Variants in NKAIN3 observed in about 807,000 individuals in gnomAD.
NKAIN3 encodes the protein sodium/potassium-transporting ATPase subunit beta-1-interacting protein 3.
NKAIN3 carries 25 observed loss-of-function variants against 30.2 expected under a neutral mutation model. The ratio of observed to expected loss-of-function variants is 0.83; its 90% CI spans 0.60 to 1.16. The LOEUF (loss-of-function observed/expected upper bound fraction) is 1.16, where lower values mean the gene tolerates loss of function less well. NKAIN3 is among the 50% of genes most tolerant of loss of function. The pLI is 0.00. For missense variants in NKAIN3, 225 were observed against 254.1 expected (o/e 0.89, Z 0.78); for synonymous variants, 91 against 89.6 (o/e 1.02, Z -0.09).
At chr8:62,813,531 G>A (rs1213033883) in intron 4 of NKAIN3, among the ~76,000 whole-genome samples, 1 of 149,124 alleles carries the variant, frequency 6.7e-6, no homozygotes, top group Non-Finnish European at 1.5e-5. Context: ...CATTTGGCCA[G>A]TCTGTATATT....
intron 4 of NKAIN3, among the ~76,000 whole-genome samples, chr8:62,842,084 C>T (rs1563588318): frequency 6.6e-6 from 1 of 151,966 alleles, no homozygotes; most frequent in African/African-American, 2.4e-5. Context: ...AACCTTTTGG[C>T]CGTTTGGATG....
chr8:62,616,420 A>G lies in NKAIN3; in HGVS notation c.273+26626A>G, dbSNP rs748180934. ...AGAGTCCTGGAAAGCACTTTGCTAA[A>G]GATTACTGGTTTATTACAAAGGATA... On this transcript the variant is annotated intron_variant, in intron 3 of 6. Transcript: ENST00000623646. 7.0e-4 allele frequency among the ~76,000 whole-genome samples: 107 copies of G among 152,224 alleles called. 1 individual carries two copies. Among genetic ancestry groups the G allele is most frequent in the Non-Finnish European group, 7.1e-4 (48 of 68,006 alleles).
intron 3 of NKAIN3, 130 bp downstream of exon 3, chr8:62,589,924 G>A (rs1810601925): frequency 4.6e-6 from 2 of 434,122 alleles, no homozygotes; most frequent in Admixed American, 3.8e-5. Flanking sequence ...TGTATAGAAT[G>A]ATAAAATACT....
chr8:62,862,819 T>A (rs1318433971), intron 4 of NKAIN3, among the ~76,000 whole-genome samples: 1 of 152,112 alleles, frequency 6.6e-6, no homozygotes, highest in African/African-American at 2.4e-5. Context: ...ATAATATAAG[T>A]GTAGCTTTGG....
At chr8:62,914,624 A>T (rs1332029417) in intron 4 of NKAIN3, among the ~76,000 whole-genome samples, 1 of 152,192 alleles carries the variant, frequency 6.6e-6, no homozygotes, top group Non-Finnish European at 1.5e-5. Context: ...ATATCAAAAG[A>T]TGGCATTTGC....
At chr8:62,627,625 T>C (rs1446883042) in intron 3 of NKAIN3, among the ~76,000 whole-genome samples, 2 of 152,248 alleles carry the variant, frequency 1.3e-5, no homozygotes, top group South Asian at 4.1e-4. Flanking sequence ...ACTGAGAGGA[T>C]GATGGTGATT....
chr8:62,849,440 T>C (rs72653295), intron 4 of NKAIN3, among the ~76,000 whole-genome samples: 12,196 of 151,340 alleles, frequency 0.081, 566 homozygotes, highest in South Asian at 0.14. Context: ...TTTCCTCTTT[T>C]TTTATGGAAA....
At chr8:62,589,890 TG>T in intron 3 of NKAIN3, 96 bp downstream of exon 3, 1 of 226,162 alleles carries the variant, frequency 4.4e-6, no homozygotes, top group South Asian at 6.8e-5. Context: ...TGTGTGTGTG[TG>T]TGTGTGTGTG....
rs569207795 is a variant in NKAIN3 at position 62,718,111 on chromosome 8, T to C, written c.274-28821T>C. Among the ~76,000 whole-genome samples the C allele has an allele frequency of 5.3e-5, 8 of 152,278 alleles. No homozygotes were observed. The South Asian group carries it at 1.5e-3, about 28-fold the overall frequency. On this transcript the variant is annotated intron_variant, in intron 3 of 6. Transcript: ENST00000623646. ...AACCTGTCAGATCTCATGAGACTTA[T>C]TCACCATCACGAGAATAGCATGAGA...
intron 3 of NKAIN3, among the ~76,000 whole-genome samples, chr8:62,706,592 A>T (rs758615204): frequency 2.4e-4 from 36 of 152,164 alleles, no homozygotes; most frequent in Non-Finnish European, 3.7e-4. Context: ...TTTTAAGAAT[A>T]TACACCCCTT....
At chr8:62,546,266 T>C (rs993736691) in intron 1 of NKAIN3, among the ~76,000 whole-genome samples, 2 of 152,120 alleles carry the variant, frequency 1.3e-5, no homozygotes, top group Non-Finnish European at 2.9e-5. Flanking sequence ...TACTACAATC[T>C]CATTCATTTC....
chr8:62,528,160 T>C (rs994218941), intron 1 of NKAIN3, among the ~76,000 whole-genome samples: 2 of 150,668 alleles, frequency 1.3e-5, no homozygotes. Context: ...TCATGGTTTC[T>C]CTCTACTCTC....
chr8:62,663,944 C>T (rs1309701908), intron 3 of NKAIN3, among the ~76,000 whole-genome samples: 4 of 152,108 alleles, frequency 2.6e-5, no homozygotes, highest in Middle Eastern at 3.4e-3. Flanking sequence ...AAGAGTATTG[C>T]ACAGGATGAA....
At chr8:62,755,742 T>A (rs1361530009) in intron 4 of NKAIN3, among the ~76,000 whole-genome samples, 1 of 152,148 alleles carries the variant, frequency 6.6e-6, no homozygotes, top group Non-Finnish European at 1.5e-5. Flanking sequence ...TTAGACTGAC[T>A]TACTCACTAT....
At chr8:62,756,063 G>A (rs894286340) in intron 4 of NKAIN3, among the ~76,000 whole-genome samples, 3 of 152,112 alleles carry the variant, frequency 2.0e-5, no homozygotes, top group Non-Finnish European at 4.4e-5. Context: ...GGTGAAATGT[G>A]TATACATTTT....
intron 1 of NKAIN3, among the ~76,000 whole-genome samples, chr8:62,435,460 T>C (rs1805140230): frequency 6.6e-6 from 1 of 151,962 alleles, no homozygotes; most frequent in Non-Finnish European, 1.5e-5. Flanking sequence ...AATAAAAAGA[T>C]GTAATCTACT....
intron 4 of NKAIN3, among the ~76,000 whole-genome samples, chr8:62,785,797 T>C (rs1817498118): frequency 6.6e-6 from 1 of 152,154 alleles, no homozygotes; most frequent in Non-Finnish European, 1.5e-5. Context: ...ATTTTCTTTT[T>C]CAGTTTAAAA....
chr8:62,757,169 T>C (rs546543104), intron 4 of NKAIN3, among the ~76,000 whole-genome samples: 10 of 152,264 alleles, frequency 6.6e-5, no homozygotes, highest in Admixed American at 5.9e-4. Flanking sequence ...AAGCTAATTT[T>C]ATTGGTGCAT....
At chr8:62,771,444 T>C (rs1186447137) in intron 4 of NKAIN3, among the ~76,000 whole-genome samples, 1 of 151,876 alleles carries the variant, frequency 6.6e-6, no homozygotes, top group African/African-American at 2.4e-5. Flanking sequence ...GCAGAAGCAT[T>C]AAACTTGAGA....
Sources: gnomAD v4.1 joint callset for allele counts (sites outside exome capture counted in the v4.1 genomes callset) on GRCh38, gnomAD v4.1.1 for gene constraint, MANE v1.5 for transcripts, NCBI Gene and HGNC (gene_info 2026-07-23, HGNC 2026-07-21) for gene names.